The following IRF9 variants were observed in gnomAD, a reference collection of about 807,000 sequenced individuals.
IRF9 encodes interferon regulatory factor 9.
Under a neutral mutation model 44.1 loss-of-function variants are expected in IRF9, and 13 were observed. The observed-to-expected ratio is 0.29, with a 90% CI of 0.19 to 0.47. The LOEUF (loss-of-function observed/expected upper bound fraction) is 0.47. Ranked by LOEUF, IRF9 falls within the 20% of genes least tolerant of loss-of-function variation. IRF9 has a pLI of 1.00. For missense variants in IRF9, 373 were observed against 496.1 expected (o/e 0.75, Z 2.36); for synonymous variants, 189 against 188.5 (o/e 1.00, Z -0.02).
In IRF9 at chr14:24,164,472, G is replaced by T; in HGVS notation, c.650-142G>T. On this transcript the variant is annotated intron_variant, in intron 6 of 8. Coordinates refer to ENST00000396864, the MANE Select transcript of IRF9 (RefSeq NM_006084.5). This position sits in a 1 kb window ranked among gnomAD's most constrained non-coding sequence, Gnocchi z 5.2. ...AGGCCTCATGGTGAATCACATACTA[G>T]CTACTTGCCTCAGTGATAGGAAAAC... is the stretch of plus-strand genomic sequence containing the variant. 1 of 780,284 alleles carries T rather than the reference G, an allele frequency of 1.3e-6. No individual in the cohort carries two copies. The allele number at this position is 780,284 out of a possible 1,614,324, so 48.3% of individuals were successfully genotyped here. A position where few individuals can be genotyped will look rare whatever the true frequency, so the allele number is the denominator to read the frequency against.
chr14:24,166,056 T>A lies in IRF9; in HGVS notation c.1108-66T>A, dbSNP rs1162640743. 4 of 1,580,142 alleles carry A rather than the reference T, an allele frequency of 2.5e-6. No individual in the cohort carries two copies. The African/African-American group carries it at 4.0e-5, about 16-fold the overall frequency. On this transcript the variant is annotated intron_variant, in intron 8 of 8. Coordinates refer to ENST00000396864, the MANE Select transcript of IRF9 (RefSeq NM_006084.5). Reference sequence around the variant, plus strand: ...GGGGGTCTCCCAGTGGGGAAGGAGCTCCTGGGGGTGGTGTCTGTCCCTGAT... The same window carrying A: ...GGGGGTCTCCCAGTGGGGAAGGAGCACCTGGGGGTGGTGTCTGTCCCTGAT...
At position 24,164,388 on chromosome 14, in the gene IRF9, A is replaced by G. The variant is rs531155467; in HGVS notation, c.650-226A>G. 6.6e-6 allele frequency: 4 copies of G among 602,004 alleles called. No individual in the cohort carries two copies. In the Admixed American group the frequency reaches 9.3e-5, roughly 14 times the overall value. The allele number at this position is 602,004 out of a possible 1,614,324, so 37.3% of individuals were successfully genotyped here. ...AGACATTGATTTCATTGGGCCAAAC[A>G]GAGGCCCAATCTCAAGGGACCTTCT... is the stretch of plus-strand genomic sequence containing the variant. On this transcript the variant is annotated intron_variant, in intron 6 of 8. Transcript: ENST00000396864. This position sits in a 1 kb window ranked among gnomAD's most constrained non-coding sequence, Gnocchi z 5.2.
intron 7 of IRF9, 82 bp from the exon 8 acceptor site, chr14:24,165,765 A>G (rs1295822431): frequency 9.0e-6 from 8 of 890,696 alleles, no homozygotes; most frequent in African/African-American, 3.4e-5. Flanking sequence ...TCTCTCCATC[A>G]TGGGTTCCTC....
intron 4 of IRF9, 143 bp from the exon 5 acceptor site, chr14:24,163,735 G>A: frequency 1.1e-6 from 1 of 940,882 alleles, no homozygotes; most frequent in South Asian, 1.7e-5. Context: ...CTACTCAGGA[G>A]GCCGAGGCAG....
intron 4 of IRF9, 142 bp downstream of exon 4, chr14:24,163,650 C>A: frequency 2.0e-6 from 2 of 1,013,916 alleles, no homozygotes; most frequent in Non-Finnish European, 1.5e-6. Flanking sequence ...CAGCCTCGAC[C>A]AACATGGTGA....
intron 3 of IRF9, 77 bp from the exon 4 acceptor site, chr14:24,163,300 CA>C (rs1488219466): frequency 5.8e-6 from 9 of 1,564,996 alleles, no homozygotes; most frequent in Non-Finnish European, 7.0e-6. Context: ...GCCCATCCTT[CA>C]CTGCCTCAGA....
chr14:24,164,263 G>T lies in IRF9; in HGVS notation c.649+129G>T. The T allele has an allele frequency of 1.2e-6, 1 of 829,344 alleles. No homozygotes were observed. 51.4% of individuals were successfully genotyped at this position (829,344 alleles called of 1,614,324 possible). Reference sequence around the variant, plus strand: ...ACCCACATTACCATAGCCCTAGGCAGTGGTTTCTAGGTGGCGAGAATTCCA... The same window carrying T: ...ACCCACATTACCATAGCCCTAGGCATTGGTTTCTAGGTGGCGAGAATTCCA... On this transcript the variant is annotated intron_variant, in intron 6 of 8. Coordinates refer to ENST00000396864, the MANE Select transcript of IRF9 (RefSeq NM_006084.5). This position sits in a 1 kb window ranked among gnomAD's most constrained non-coding sequence, Gnocchi z 5.2.
At chr14:24,162,903 C>T (rs1594388995) in intron 2 of IRF9, 63 bp from the exon 3 acceptor site, 2 of 1,390,450 alleles carry the variant, frequency 1.4e-6, no homozygotes, top group South Asian at 1.3e-5. Flanking sequence ...AAAGCCAGTC[C>T]TATTGGAGGG....
At chr14:24,165,670 T>C (rs2139106839) in intron 7 of IRF9, 177 bp from the exon 8 acceptor site, 2 of 590,998 alleles carry the variant, frequency 3.4e-6, no homozygotes, top group Middle Eastern at 4.5e-4. Context: ...GGGGCACCCT[T>C]TCCTATTTGC....
chr14:24,164,921 C>T lies in IRF9; in HGVS notation c.957C>T (p.Cys319=), dbSNP rs1172759958. The part of the protein sequence containing the change: ...PGPHLLPSNE[C]VELFRTAYFC... ...CGCATCTGCTGCCCAGCAACGAGTG[C>T]GTGGAGCTCTTCAGAACCGCCTACT... is the stretch of plus-strand genomic sequence containing the variant. The change falls in exon 7 of 9, where the codon TGC becomes TGT. Residue 319 remains cysteine, a synonymous_variant. Transcript: ENST00000396864. This position sits in a 1 kb window ranked among gnomAD's most constrained non-coding sequence, Gnocchi z 5.2. 9 of 1,612,642 alleles carry T rather than the reference C, an allele frequency of 5.6e-6. No homozygotes were observed. In the East Asian group the frequency reaches 1.1e-4, roughly 20 times the overall value.
Position 24,164,042 on chromosome 14 carries a change from G to C in IRF9, c.578-21G>C. ...TCCCCAGTCCCACTCTGAATGACCA[G>C]TGCCTTTGCTTCCCTTCCAGTTACA... On this transcript the variant is annotated intron_variant, in intron 5 of 8. Transcript: ENST00000396864. The surrounding 1 kb of genome is among the most constrained non-coding windows in gnomAD (Gnocchi z 5.2). 1 of 1,613,954 alleles carries C rather than the reference G, an allele frequency of 6.2e-7. No homozygotes were observed. Among genetic ancestry groups the C allele is most frequent in the Non-Finnish European group, 8.5e-7 (1 of 1,179,868 alleles).
chr14:24,165,261 CAGA>C (rs2038509345), intron 7 of IRF9: 6 of 695,118 alleles, frequency 8.6e-6, no homozygotes, highest in Non-Finnish European at 1.3e-5. Context: ...TGAAGGTGCA[CAGA>C]AGAATTGGCA....
At position 24,165,356 on chromosome 14, in the gene IRF9, T is replaced by C. The variant is rs2038510554; in HGVS notation, c.991+401T>C. Reference sequence around the variant, plus strand: ...ACACATCACACACACTGGCCCTGGCTGCACCGTCTTTACCACACTCCAGGC... The same window carrying C: ...ACACATCACACACACTGGCCCTGGCCGCACCGTCTTTACCACACTCCAGGC... On this transcript the variant is annotated intron_variant, in intron 7 of 8. Transcript: ENST00000396864. 4.8e-6 allele frequency: 3 copies of C among 631,098 alleles called. No homozygotes were observed. The East Asian group carries it at 8.2e-5, about 17-fold the overall frequency. The allele number at this position is 631,098 out of a possible 1,614,324, so 39.1% of individuals were successfully genotyped here. A position where few individuals can be genotyped will look rare whatever the true frequency, so the allele number is the denominator to read the frequency against.
intron 2 of IRF9, chr14:24,162,734 A>C: frequency 2.0e-6 from 1 of 498,688 alleles, no homozygotes; most frequent in South Asian, 2.5e-5. Context: ...AGGGAGGTGG[A>C]GTTGTAGTGA....
Position 24,166,284 on chromosome 14 carries a change from T to A in IRF9, c.*88T>A. ...CATTCTTCACACGATTGACCTGTCC[T>A]CTTTGTGATAATTCTCAGTAGTTGT... On this transcript the variant is annotated 3_prime_UTR_variant, in exon 9 of 9. Coordinates refer to ENST00000396864, the MANE Select transcript of IRF9 (RefSeq NM_006084.5). 8.8e-7 allele frequency: 1 copy of A among 1,142,556 alleles called. No individual in the cohort carries two copies. The allele number at this position is 1,142,556 out of a possible 1,614,324, so 70.8% of individuals were successfully genotyped here. A position where few individuals can be genotyped will look rare whatever the true frequency, so the allele number is the denominator to read the frequency against.
chr14:24,164,168 G>A lies in IRF9; in HGVS notation c.649+34G>A. ...CATTTCTGACTTTCTCCTGTGCCCT[G>A]TGCCCCTGAGGTCTTCCACCTTTGA... On this transcript the variant is annotated intron_variant, in intron 6 of 8. Coordinates refer to ENST00000396864, the MANE Select transcript of IRF9 (RefSeq NM_006084.5). This position sits in a 1 kb window ranked among gnomAD's most constrained non-coding sequence, Gnocchi z 5.2. The A allele has an allele frequency of 1.3e-6, 2 of 1,581,038 alleles. No individual in the cohort carries two copies. The highest frequency in any genetic ancestry group is 1.7e-6 in the Non-Finnish European group (2 of 1,150,016).
rs1157264870 is a variant in IRF9, at chr14:24,163,416, C to G, written c.403C>G (p.His135Asp). The stretch of plus-strand genomic sequence containing the variant: ...TCAGAAAGTACCATCAAAGCGACAG[C>G]ACAGTTCTGTGTCCTCTGAGAGGAA... ...GTQKVPSKRQ[H>D]SSVSSERKEE... The change falls in exon 4 of 9, where the codon CAC becomes GAC. Residue 135 changes from histidine to aspartate, a missense_variant. His to Asp is a moderately conservative substitution (Grantham distance 81). Coordinates refer to ENST00000396864, the MANE Select transcript of IRF9 (RefSeq NM_006084.5). 6.2e-7 allele frequency: 1 copy of G among 1,614,022 alleles called. No homozygotes were observed. The highest frequency in any genetic ancestry group is 8.5e-7 in the Non-Finnish European group (1 of 1,179,996).
At chr14:24,163,666 C>T (rs1594389468) in intron 4 of IRF9, 158 bp downstream of exon 4, 12 of 924,918 alleles carry the variant, frequency 1.3e-5, no homozygotes, top group East Asian at 2.6e-5. Context: ...GGTGAGAACC[C>T]GTCTCTACTA....
intron 4 of IRF9, 136 bp from the exon 5 acceptor site, chr14:24,163,742 G>C: frequency 1.0e-6 from 1 of 974,644 alleles, no homozygotes; most frequent in Non-Finnish European, 1.5e-6. Context: ...GGAGGCCGAG[G>C]CAGGAGAATC....
Sources: gnomAD v4.1 joint callset for allele counts on GRCh38, gnomAD v4.1.1 for gene constraint, Gnocchi (gnomAD v3.1) non-coding constraint, MANE v1.5 for transcripts, NCBI Gene and HGNC (gene_info 2026-07-23, HGNC 2026-07-21) for gene names.